Variants in LARP4 observed in about 807,000 individuals in gnomAD.
LARP4 encodes the protein La ribonucleoprotein 4.
In LARP4, 29 loss-of-function variants were observed where a neutral mutation model predicts 92.9. The observed-to-expected ratio is 0.31, with a 90% CI of 0.23 to 0.43. The LOEUF (loss-of-function observed/expected upper bound fraction) is 0.43. Ranked by LOEUF, LARP4 falls within the 20% of genes least tolerant of loss-of-function variation. LARP4 has a pLI of 1.00. For missense variants in LARP4, 732 were observed against 860.0 expected (o/e 0.85, Z 1.86); for synonymous variants, 279 against 284.1 (o/e 0.98, Z 0.18).
chr12:50,446,815 A>C (rs561538065), intron 8 of LARP4, among the ~76,000 whole-genome samples: 1 of 152,134 alleles, frequency 6.6e-6, no homozygotes, highest in Non-Finnish European at 1.5e-5. Flanking sequence ...ATAATGTATG[A>C]CATTACTTAG....
chr12:50,439,287 G>T (rs985492059), intron 6 of LARP4, among the ~76,000 whole-genome samples: 1 of 152,180 alleles, frequency 6.6e-6, no homozygotes, highest in African/African-American at 2.4e-5. Flanking sequence ...AATACATAAA[G>T]AGTTCATACA....
chr12:50,415,019 A>G (rs1295006748), intron 1 of LARP4, among the ~76,000 whole-genome samples: 5 of 152,106 alleles, frequency 3.3e-5, no homozygotes, highest in Non-Finnish European at 5.9e-5. Context: ...CCTGGCCAAC[A>G]TTGTGAAACC....
At chr12:50,453,917 A>G (rs561519514) in intron 9 of LARP4, among the ~76,000 whole-genome samples, 14 of 152,198 alleles carry the variant, frequency 9.2e-5, no homozygotes, top group African/African-American at 3.1e-4. Flanking sequence ...ACAAGCCACT[A>G]TGCCCGGCCA....
rs56327612 is a variant in LARP4, at chr12:50,476,690, C to CT, written c.*826_*827insT. On this transcript the variant is annotated 3_prime_UTR_variant, in exon 16 of 16. Coordinates refer to ENST00000398473, the MANE Select transcript of LARP4 (RefSeq NM_052879.5). Reference sequence around the variant, plus strand: ...GGTTTAAACTTCCCTGTGATTCCCCCGAATACCCCCAAAATGAGAAACAAA... The same window carrying CT: ...GGTTTAAACTTCCCTGTGATTCCCCCTGAATACCCCCAAAATGAGAAACAAA... 0.98 allele frequency: 149,604 copies of CT among 152,612 alleles called. 73,399 individuals are homozygous for CT. Among genetic ancestry groups the CT allele is most frequent in the East Asian group, 1 (5,182 of 5,182 alleles). The allele number at this position is 152,612 out of a possible 1,614,324, so 9.5% of individuals were successfully genotyped here.
At chr12:50,429,111 G>C in intron 3 of LARP4, 21 bp downstream of exon 3, 1 of 1,595,270 alleles carries the variant, frequency 6.3e-7, no homozygotes, top group Non-Finnish European at 8.6e-7. Context: ...TGGTTTTATT[G>C]TTAAAATGAG....
intron 12 of LARP4, among the ~76,000 whole-genome samples, chr12:50,464,484 C>T (rs541016331): frequency 4.2e-4 from 64 of 151,922 alleles, no homozygotes; most frequent in Admixed American, 1.4e-3. Flanking sequence ...CTCTGACTCC[C>T]GGGTTCAAGC....
chr12:50,469,241 A>G (rs148536011), intron 13 of LARP4, among the ~76,000 whole-genome samples: 37 of 152,178 alleles, frequency 2.4e-4, no homozygotes, highest in Admixed American at 1.3e-3. Context: ...TAGTTATTTC[A>G]TAAGTTCTAA....
intron 8 of LARP4, among the ~76,000 whole-genome samples, chr12:50,445,433 T>C (rs1237212846): frequency 2.0e-5 from 3 of 152,108 alleles, no homozygotes; most frequent in Non-Finnish European, 4.4e-5. Context: ...CTTTTACTTA[T>C]TATACTTGGG....
intron 11 of LARP4, among the ~76,000 whole-genome samples, chr12:50,461,803 C>T (rs751552753): frequency 6.6e-6 from 1 of 151,886 alleles, no homozygotes; most frequent in African/African-American, 2.4e-5. Context: ...TGAAAAAATA[C>T]AAAAATTAGC....
intron 12 of LARP4, among the ~76,000 whole-genome samples, chr12:50,464,155 G>C (rs760299512): frequency 6.6e-6 from 1 of 152,106 alleles, no homozygotes; most frequent in African/African-American, 2.4e-5. Flanking sequence ...TCACATTGCT[G>C]TAAAGAAATA....
In LARP4 at chr12:50,475,566, C is replaced by T. The variant is rs1398024321; in HGVS notation, c.1877C>T (p.Pro626Leu). 6.8e-6 allele frequency: 11 copies of T among 1,613,744 alleles called. No individual in the cohort carries two copies. The highest frequency in any genetic ancestry group is 9.3e-6 in the Non-Finnish European group (11 of 1,179,920). The change falls in exon 16 of 16, where the codon CCC (proline) becomes CTC (leucine). Residue 626 changes from proline (P) to leucine (L), a missense_variant. This residue lies in a region of LARP4 where 115 missense variants were observed against 129.1 expected (regional missense o/e 0.89). Coordinates refer to ENST00000398473, the MANE Select transcript of LARP4 (RefSeq NM_052879.5). ...AGTTATGCTGAAGTGTGCCAGAAGC[C>T]CCCTAAAGAGCCATCTTCAGTTCTT... ...KLSYAEVCQKPPKEPSSVLVQ... is the reference protein window; with the variant it reads ...KLSYAEVCQKLPKEPSSVLVQ...
At chr12:50,404,507 A>G (rs1230749829) in intron 1 of LARP4, among the ~76,000 whole-genome samples, 2 of 151,998 alleles carry the variant, frequency 1.3e-5, no homozygotes, top group Non-Finnish European at 2.9e-5. Context: ...ATGAGCCGTG[A>G]TTGTGCCACT....
At position 50,454,327 on chromosome 12, in the gene LARP4, A is replaced by G. The variant is rs755473780; in HGVS notation, c.1031A>G (p.Asn344Ser). ...YFETPLAPFPNGSFVNGFNSP... is the reference protein window; with the variant it reads ...YFETPLAPFPSGSFVNGFNSP... ...ATTTTTTTCTAGGCTCCCTTTCCCAATGGTAGTTTTGTGAATGGCTTTAAT... is the reference window on the plus strand; with the variant it reads ...ATTTTTTTCTAGGCTCCCTTTCCCAGTGGTAGTTTTGTGAATGGCTTTAAT... Residue 344 changes from asparagine to serine, a missense_variant, in exon 10 of 16, where the codon AAT becomes AGT. Asn to Ser is a conservative substitution (Grantham distance 46). Transcript: ENST00000398473. 3.1e-6 allele frequency: 5 copies of G among 1,612,634 alleles called. No individual in the cohort carries two copies. The highest frequency in any genetic ancestry group is 3.3e-5 in the Admixed American group (2 of 59,740).
chr12:50,418,911 G>A (rs1041728694), intron 1 of LARP4, among the ~76,000 whole-genome samples: 81 of 152,268 alleles, frequency 5.3e-4, no homozygotes, highest in Middle Eastern at 3.4e-3. Context: ...GTAGAGGGGG[G>A]TGGTCTTCCT....
intron 1 of LARP4, among the ~76,000 whole-genome samples, chr12:50,425,502 CA>C (rs1948573149): frequency 6.6e-6 from 1 of 152,176 alleles, no homozygotes; most frequent in African/African-American, 2.4e-5. Context: ...ATACTGTTGA[CA>C]TGGCAGGAGA....
chr12:50,401,345 G>A (rs1477990981), intron 1 of LARP4: 5 of 346,920 alleles, frequency 1.4e-5, no homozygotes, highest in African/African-American at 1.1e-4. Flanking sequence ...GCATTGGGGG[G>A]TTGGGGGGCG....
chr12:50,475,754 G>A lies in LARP4; in HGVS notation c.2065G>A (p.Ala689Thr). 6 of 1,614,160 alleles carry A rather than the reference G, an allele frequency of 3.7e-6. No individual in the cohort carries two copies. Among genetic ancestry groups the A allele is most frequent in the Non-Finnish European group, 5.1e-6 (6 of 1,180,042 alleles). The change falls in exon 16 of 16, where the codon GCA becomes ACA. Residue 689 changes from alanine to threonine, a missense_variant. Ala to Thr is a moderately conservative substitution (Grantham distance 58, BLOSUM62 0). This residue lies in a region of LARP4 where 115 missense variants were observed against 129.1 expected (regional missense o/e 0.89). Transcript: ENST00000398473. The stretch of plus-strand genomic sequence containing the variant: ...AGGCAATATAATCCCCAGGGGAGCA[G>A]CAGGAAAAATCAGGGAACAGAGACG... ...FRGNIIPRGA[A>T]GKIREQRRQF...
chr12:50,475,782 A>C lies in LARP4; in HGVS notation c.2093A>C (p.Gln698Pro), dbSNP rs1185532330. The C allele has an allele frequency of 6.2e-7, 1 of 1,614,222 alleles. No individual in the cohort carries two copies. The highest frequency in any genetic ancestry group is 2.2e-5 in the East Asian group (1 of 44,880). ...AAGKIREQRR[Q>P]FSHRAIPQGV... ...GGAAAAATCAGGGAACAGAGACGCCAGTTTAGCCATAGGGCTATACCTCAG... is the reference window on the plus strand; with the variant it reads ...GGAAAAATCAGGGAACAGAGACGCCCGTTTAGCCATAGGGCTATACCTCAG... Residue 698 changes from glutamine to proline, a missense_variant, in exon 16 of 16, where the codon CAG becomes CCG. Coordinates refer to ENST00000398473, the MANE Select transcript of LARP4 (RefSeq NM_052879.5).
chr12:50,436,101 G>GT (rs1950395316), intron 5 of LARP4, among the ~76,000 whole-genome samples: 1 of 134,900 alleles, frequency 7.4e-6, no homozygotes, highest in African/African-American at 3.0e-5. Context: ...GTATCCCGCT[G>GT]GTGTGTGTGT....
Sources: gnomAD v4.1 joint callset for allele counts (sites outside exome capture counted in the v4.1 genomes callset) on GRCh38, gnomAD v4.1.1 for gene constraint, gnomAD v4.1.1 regional missense constraint, MANE v1.5 for transcripts, NCBI Gene and HGNC (gene_info 2026-07-23, HGNC 2026-07-21) for gene names.